Variants in PTPRD observed in about 807,000 individuals in gnomAD.
PTPRD encodes protein tyrosine phosphatase receptor type D.
A neutral mutation model predicts 214.5 loss-of-function variants in PTPRD; 34 were observed. The ratio of observed to expected loss-of-function variants is 0.16; its 90% CI spans 0.12 to 0.21. The LOEUF is 0.21. Ranked by LOEUF, PTPRD falls within the 10% of genes least tolerant of loss-of-function variation. PTPRD has a pLI of 1.00. For synonymous variants in PTPRD, 1,128 were observed against 845.7 expected (o/e 1.33, Z -5.79); for missense variants, 2,545 against 2,398.7 (o/e 1.06, Z -1.27).
intron 8 of PTPRD, among the ~76,000 whole-genome samples, chr9:9,421,256 A>C (rs1328849597): frequency 6.6e-6 from 1 of 151,934 alleles, no homozygotes; most frequent in African/African-American, 2.4e-5. Flanking sequence ...AAAGTCCCTA[A>C]GTAGCAAGTA....
In PTPRD at chr9:10,141,281, C is replaced by T. The variant is rs993378153; in HGVS notation, c.-544-107491G>A. Among the ~76,000 whole-genome samples the T allele has an allele frequency of 4.6e-5, 7 of 151,948 alleles. No individual in the cohort carries two copies. The East Asian group carries it at 1.4e-3, about 29-fold the overall frequency. The stretch of plus-strand genomic sequence containing the variant: ...TTAGGCAGGAGAAGGAAATAAAGGG[C>T]ATTCAATTAGGAAAAGAGGAAGTCA... On this transcript the variant is annotated intron_variant, in intron 3 of 45. Transcript: ENST00000381196.
At chr9:9,054,543 G>T (rs1404355875) in intron 10 of PTPRD, among the ~76,000 whole-genome samples, 1 of 152,148 alleles carries the variant, frequency 6.6e-6, no homozygotes, top group Non-Finnish European at 1.5e-5. Flanking sequence ...CATGGAAACA[G>T]TCTGTGCTAT....
rs568585843 is a variant in PTPRD, at chr9:8,887,251, T to C, written c.-104+131446A>G. ...AAGTGAGTATCTCACGGCAGAGACC[T>C]AGGTGGTTGAGACCCCCAAGACTGG... On this transcript the variant is annotated intron_variant, in intron 11 of 45. Coordinates refer to ENST00000381196, the MANE Select transcript of PTPRD (RefSeq NM_002839.4). 9.9e-5 allele frequency among the ~76,000 whole-genome samples: 15 copies of C among 152,284 alleles called. No homozygotes were observed. The South Asian group carries it at 3.1e-3, about 32-fold the overall frequency.
intron 11 of PTPRD, among the ~76,000 whole-genome samples, chr9:8,834,709 T>A (rs894626885): frequency 6.6e-6 from 1 of 152,126 alleles, no homozygotes; most frequent in Non-Finnish European, 1.5e-5. Context: ...AGACCACACA[T>A]CAGGAATTTA....
At chr9:9,020,260 G>A (rs1367719264) in intron 10 of PTPRD, among the ~76,000 whole-genome samples, 1 of 152,146 alleles carries the variant, frequency 6.6e-6, no homozygotes, top group Non-Finnish European at 1.5e-5. Context: ...TATATTTAAT[G>A]TAGAGCATGA....
intron 7 of PTPRD, among the ~76,000 whole-genome samples, chr9:9,619,132 C>T (rs913410856): frequency 1.3e-5 from 2 of 152,040 alleles, no homozygotes; most frequent in Non-Finnish European, 2.9e-5. Flanking sequence ...CTAAGGCAAA[C>T]GCATGAGTTG....
At chr9:10,340,506 A>T (rs1173344345) in intron 3 of PTPRD, among the ~76,000 whole-genome samples, 1 of 151,908 alleles carries the variant, frequency 6.6e-6, no homozygotes, top group African/African-American at 2.4e-5. Context: ...TATGATGCCA[A>T]AGGTGAACAT....
intron 9 of PTPRD, among the ~76,000 whole-genome samples, chr9:9,394,432 C>T (rs576057083): frequency 6.6e-6 from 1 of 152,160 alleles, no homozygotes; most frequent in Non-Finnish European, 1.5e-5. Context: ...CAATTCACAA[C>T]TGATTGGAAG....
chr9:9,216,838 A>G (rs1302083906), intron 9 of PTPRD, among the ~76,000 whole-genome samples: 1 of 152,182 alleles, frequency 6.6e-6, no homozygotes, highest in Non-Finnish European at 1.5e-5. Flanking sequence ...GTGTTAATAT[A>G]AAAATAAATA....
intron 9 of PTPRD, among the ~76,000 whole-genome samples, chr9:9,320,368 T>C (rs908575981): frequency 2.6e-5 from 4 of 152,206 alleles, no homozygotes; most frequent in African/African-American, 9.6e-5. Flanking sequence ...CCCCATATAC[T>C]GGGCATGAAA....
At chr9:9,344,368 C>T (rs567667518) in intron 9 of PTPRD, among the ~76,000 whole-genome samples, 6 of 152,134 alleles carry the variant, frequency 3.9e-5, no homozygotes, top group African/African-American at 1.4e-4. Flanking sequence ...AGGACAAATA[C>T]CTAATGCATG....
At position 9,144,237 on chromosome 9, in the gene PTPRD, G is replaced by C. The variant is rs2099864824; in HGVS notation, c.-143+39067C>G. Among the ~76,000 whole-genome samples, 3 of 152,316 alleles carry C rather than the reference G, an allele frequency of 2.0e-5. No homozygotes were observed. The South Asian group carries it at 6.2e-4, about 32-fold the overall frequency. ...AAAACCCTGAGTTGATATGTGATCA[G>C]ACATTTACAAGGCCCTGCATTCTAC... is the stretch of plus-strand genomic sequence containing the variant. On this transcript the variant is annotated intron_variant, in intron 10 of 45. Coordinates refer to ENST00000381196, the MANE Select transcript of PTPRD (RefSeq NM_002839.4).
intron 11 of PTPRD, among the ~76,000 whole-genome samples, chr9:8,786,493 C>T (rs1456450946): frequency 1.4e-5 from 2 of 144,362 alleles, no homozygotes; most frequent in Non-Finnish European, 3.0e-5. Flanking sequence ...CAACTGCAAC[C>T]TTCGCTTCCC....
At chr9:10,258,408 A>G (rs1016802374) in intron 3 of PTPRD, among the ~76,000 whole-genome samples, 1 of 152,208 alleles carries the variant, frequency 6.6e-6, no homozygotes, top group Non-Finnish European at 1.5e-5. Flanking sequence ...AGAACAGAGG[A>G]ACATAGGCTT....
chr9:8,387,757 A>G (rs1000400496), intron 37 of PTPRD, among the ~76,000 whole-genome samples: 1 of 152,174 alleles, frequency 6.6e-6, no homozygotes, highest in Non-Finnish European at 1.5e-5. Flanking sequence ...TCATATGTAA[A>G]CTGGAGGTCA....
At chr9:10,014,896 A>C (rs1012085932) in intron 4 of PTPRD, among the ~76,000 whole-genome samples, 1 of 152,084 alleles carries the variant, frequency 6.6e-6, no homozygotes, top group African/African-American at 2.4e-5. Context: ...TTTATGGGGC[A>C]TTTAAAAACC....
intron 12 of PTPRD, among the ~76,000 whole-genome samples, chr9:8,721,925 G>A (rs1428798392): frequency 6.6e-6 from 1 of 152,174 alleles, no homozygotes; most frequent in East Asian, 1.9e-4. Flanking sequence ...CTGTTCCAAA[G>A]CTTTCACAAG....
At chr9:10,403,309 A>C (rs1357639066) in intron 2 of PTPRD, among the ~76,000 whole-genome samples, 1 of 143,914 alleles carries the variant, frequency 6.9e-6, no homozygotes, top group Admixed American at 7.1e-5. Flanking sequence ...TGATATTTTA[A>C]AAAGTTGTAA....
chr9:9,403,333 T>C (rs2071721482), intron 8 of PTPRD, among the ~76,000 whole-genome samples: 1 of 131,220 alleles, frequency 7.6e-6, no homozygotes, highest in African/African-American at 2.9e-5. Flanking sequence ...AACCCAGAAC[T>C]AATCTTAAAA....
Sources: allele counts gnomAD v4.1 joint callset (sites outside exome capture counted in the v4.1 genomes callset), GRCh38; gene constraint gnomAD v4.1.1; transcripts MANE v1.5; gene names NCBI Gene and HGNC (gene_info 2026-07-23, HGNC 2026-07-21).